MAK: variants seen among roughly 807,000 people sequenced by gnomAD.
MAK encodes the protein serine/threonine-protein kinase MAK.
A neutral mutation model predicts 82.6 loss-of-function variants in MAK; 65 were observed. The ratio of observed to expected loss-of-function variants is 0.79; its 90% CI spans 0.64 to 0.97. The LOEUF (loss-of-function observed/expected upper bound fraction) is 0.97, where lower values mean the gene tolerates loss of function less well. Among genes scored for constraint, MAK ranks in the 50% least tolerant of loss-of-function variants. The probability of loss-of-function intolerance (pLI) is 0.00; values close to 1 mark genes in which losing one functional copy is unlikely to be tolerated. For synonymous variants in MAK, 250 were observed against 274.2 expected (o/e 0.91, Z 0.87); for missense variants, 703 against 780.2 (o/e 0.90, Z 1.18).
In MAK at chr6:10,763,604, G is replaced by C. The variant is rs1032236941; in HGVS notation, c.*848C>G. ...TCACACCTGTAAGCCCTGCACTTTG[G>C]GAGGCCGAGGCAGGTGGATCACCTG... is the stretch of plus-strand genomic sequence containing the variant. On this transcript the variant is annotated 3_prime_UTR_variant, in exon 15 of 15. Coordinates refer to ENST00000354489, the MANE Select transcript of MAK (RefSeq NM_001242957.3). The C allele has an allele frequency of 1.3e-4, 20 of 151,980 alleles. No individual in the cohort carries two copies. Among genetic ancestry groups the C allele is most frequent in the African/African-American group, 4.8e-4 (20 of 41,456 alleles). The allele number at this position is 151,980 out of a possible 1,614,324, so 9.4% of individuals were successfully genotyped here.
rs779645277 is a variant in MAK, at chr6:10,800,758, T to C, written c.831+1134A>G. Among the ~76,000 whole-genome samples, 1 of 152,088 alleles carries C rather than the reference T, an allele frequency of 6.6e-6. No individual in the cohort carries two copies. Among genetic ancestry groups the C allele is most frequent in the Non-Finnish European group, 1.5e-5 (1 of 68,008 alleles). On this transcript the variant is annotated intron_variant, in intron 8 of 14. Transcript: ENST00000354489. The surrounding 1 kb of genome is among the most constrained non-coding windows in gnomAD (Gnocchi z 4.2). ...GGAGGCTGAGGGTGGGAGAATCACT[T>C]GAACCCAGGAGGCAGAGGTTGCGGT... is the stretch of plus-strand genomic sequence containing the variant.
Position 10,830,061 on chromosome 6 carries a change from T to C in MAK, c.101+487A>G, listed in dbSNP as rs151150805. Among the ~76,000 whole-genome samples, 548 of 150,492 alleles carry C rather than the reference T, an allele frequency of 3.6e-3. 7 individuals are homozygous for C. The highest frequency in any genetic ancestry group is 0.013 in the African/African-American group (532 of 40,862). On this transcript the variant is annotated intron_variant, in intron 2 of 14. Coordinates refer to ENST00000354489, the MANE Select transcript of MAK (RefSeq NM_001242957.3). ...CATGTTGGCCAAGCTGGTCTCAAAC[T>C]CCTGACCTCAACCCAAAGTGCTGGG...
At chr6:10,830,294 T>C (rs1778710552) in intron 2 of MAK, among the ~76,000 whole-genome samples, 1 of 151,166 alleles carries the variant, frequency 6.6e-6, no homozygotes, top group Non-Finnish European at 1.5e-5. Flanking sequence ...GCCTCCTGAG[T>C]AGCTGGGATT....
At chr6:10,822,136 G>C (rs1251498092) in intron 2 of MAK, among the ~76,000 whole-genome samples, 9 of 108,762 alleles carry the variant, frequency 8.3e-5, no homozygotes, top group Non-Finnish European at 1.4e-4. Context: ...AACAGAGCGA[G>C]ACTCCGTCTC....
At chr6:10,782,941 A>T (rs1774138898) in intron 11 of MAK, among the ~76,000 whole-genome samples, 1 of 152,178 alleles carries the variant, frequency 6.6e-6, no homozygotes, top group Admixed American at 6.6e-5. Context: ...GAAGTGTGTT[A>T]CAGATCCATC....
chr6:10,819,088 A>ATAG, intron 2 of MAK, 148 bp from the exon 3 acceptor site: 1 of 647,894 alleles, frequency 1.5e-6, no homozygotes, highest in Non-Finnish European at 2.8e-6. Flanking sequence ...CACCTCCTAT[A>ATAG]CCTCAAGGCT....
chr6:10,780,147 G>T, intron 11 of MAK: 2 of 544,800 alleles, frequency 3.7e-6, no homozygotes, highest in Non-Finnish European at 4.7e-6. Flanking sequence ...ACCGCCAATA[G>T]GTGACAGTAA....
At chr6:10,788,044 G>A (rs1054094259) in intron 10 of MAK, among the ~76,000 whole-genome samples, 5 of 151,476 alleles carry the variant, frequency 3.3e-5, no homozygotes, top group South Asian at 2.1e-4. Flanking sequence ...ACAGTGTCTC[G>A]CTCTGTTGCC....
intron 7 of MAK, 196 bp from the exon 8 acceptor site, chr6:10,802,255 TGAGA>T (rs1776073884): frequency 1.8e-6 from 1 of 552,590 alleles, no homozygotes; most frequent in Non-Finnish European, 3.2e-6. Context: ...AACATTAAGC[TGAGA>T]GTTAGGAAAC....
intron 12 of MAK, among the ~76,000 whole-genome samples, chr6:10,773,613 A>G (rs992668929): frequency 6.6e-6 from 1 of 152,182 alleles, no homozygotes; most frequent in Non-Finnish European, 1.5e-5. Context: ...ATTTTTAATC[A>G]TAAGTTTAAC....
intron 13 of MAK, among the ~76,000 whole-genome samples, chr6:10,770,906 G>A (rs545455091): frequency 6.6e-6 from 1 of 152,296 alleles, no homozygotes; most frequent in South Asian, 2.1e-4. Flanking sequence ...AACCACAGCA[G>A]TGGCAGAGGG....
chr6:10,827,672 G>A (rs554911671), intron 2 of MAK: 1 of 151,990 alleles, frequency 6.6e-6, no homozygotes. Flanking sequence ...TTTTTGTTTT[G>A]TTTTACTTTT....
intron 10 of MAK, among the ~76,000 whole-genome samples, chr6:10,785,318 T>G (rs1362194461): frequency 6.6e-6 from 1 of 152,166 alleles, no homozygotes; most frequent in Non-Finnish European, 1.5e-5. Context: ...TTTGTGTTGC[T>G]GCCCATCCCT....
intron 11 of MAK, among the ~76,000 whole-genome samples, chr6:10,783,437 TC>T (rs1430759186): frequency 6.6e-6 from 1 of 152,096 alleles, no homozygotes; most frequent in East Asian, 1.9e-4. Flanking sequence ...CTTCTCCTCT[TC>T]TAATCTTCCC....
intron 1 of MAK, among the ~76,000 whole-genome samples, chr6:10,833,682 C>G (rs1054551338): frequency 1.3e-5 from 2 of 151,940 alleles, no homozygotes; most frequent in African/African-American, 4.8e-5. Context: ...ATGTAGGTAA[C>G]AATCCCTTCA....
chr6:10,784,170 G>C (rs1345679068), intron 11 of MAK, among the ~76,000 whole-genome samples: 1 of 152,082 alleles, frequency 6.6e-6, no homozygotes, highest in Non-Finnish European at 1.5e-5. Flanking sequence ...GCTTTGGTGG[G>C]GGGTGGGGGT....
Position 10,802,053 on chromosome 6 carries a change from A to G in MAK, c.670T>C (p.Trp224Arg). 1 of 1,614,054 alleles carries G rather than the reference A, an allele frequency of 6.2e-7. No individual in the cohort carries two copies. Among genetic ancestry groups the G allele is most frequent in the South Asian group, 1.1e-5 (1 of 91,060 alleles). Residue 224 changes from tryptophan to arginine, a missense_variant, in exon 8 of 15, where the codon TGG becomes CGG. Coordinates refer to ENST00000354489, the MANE Select transcript of MAK (RefSeq NM_001242957.3). ...QVLGTPKKSDWPEGYQLASSM... is the reference protein window; with the variant it reads ...QVLGTPKKSDRPEGYQLASSM... ...GATGCCAGCTGGTATCCTTCTGGCCAGTCACTCTGTTTCAGGAATATATAA... is the reference window on the plus strand; with the variant it reads ...GATGCCAGCTGGTATCCTTCTGGCCGGTCACTCTGTTTCAGGAATATATAA...
intron 5 of MAK, 129 bp from the exon 6 acceptor site, chr6:10,809,071 T>A: frequency 1.1e-6 from 1 of 876,584 alleles, no homozygotes; most frequent in Non-Finnish European, 1.8e-6. Context: ...AGGAAAAAAG[T>A]AAACCATATT....
chr6:10,837,890 C>G (rs1779256261), intron 1 of MAK: 1 of 152,206 alleles, frequency 6.6e-6, no homozygotes, highest in Non-Finnish European at 1.5e-5. Flanking sequence ...AGGGGGCGTC[C>G]CCGGGCGCCG....
Sources: allele counts gnomAD v4.1 joint callset (sites outside exome capture counted in the v4.1 genomes callset), GRCh38; gene constraint gnomAD v4.1.1; non-coding constraint Gnocchi (gnomAD v3.1); transcripts MANE v1.5; gene names NCBI Gene and HGNC (gene_info 2026-07-23, HGNC 2026-07-21).